MYH10: variants seen among roughly 807,000 people sequenced by gnomAD.
MYH10 encodes myosin heavy chain 10, also known as myosin-10.
MYH10 carries 55 observed loss-of-function variants against 257.8 expected under a neutral mutation model. The ratio of observed to expected loss-of-function variants is 0.21; its 90% CI spans 0.17 to 0.27. The LOEUF is 0.27. Ranked by LOEUF, MYH10 falls within the 10% of genes least tolerant of loss-of-function variation. MYH10 has a pLI of 1.00. For missense variants in MYH10, 1,631 were observed against 2,500.6 expected (o/e 0.65, Z 7.42); for synonymous variants, 854 against 921.7 (o/e 0.93, Z 1.33).
At chr17:8,629,285 C>G (rs2085800966) in intron 1 of MYH10, among the ~76,000 whole-genome samples, 1 of 152,304 alleles carries the variant, frequency 6.6e-6, no homozygotes, top group East Asian at 1.9e-4. Context: ...TCAGCGAAAA[C>G]AGCAGTCTTT....
chr17:8,492,600 C>T, intron 33 of MYH10, 91 bp from the exon 34 acceptor site: 1 of 1,354,164 alleles, frequency 7.4e-7, no homozygotes, highest in Non-Finnish European at 9.9e-7. Flanking sequence ...CGCTAGAGTG[C>T]TGCCACTAGA....
At chr17:8,495,675 C>T (rs964668651) in intron 30 of MYH10, among the ~76,000 whole-genome samples, 1 of 151,470 alleles carries the variant, frequency 6.6e-6, no homozygotes, top group Non-Finnish European at 1.5e-5. Flanking sequence ...AATTCACATT[C>T]TTATAGAACT....
chr17:8,609,533 G>GA, intron 2 of MYH10, among the ~76,000 whole-genome samples: 1 of 152,260 alleles, frequency 6.6e-6, no homozygotes, highest in African/African-American at 2.4e-5. Flanking sequence ...TTAGGAGACA[G>GA]ATTTATATCT....
intron 5 of MYH10, 111 bp downstream of exon 5, chr17:8,577,125 C>T (rs766235037): frequency 2.2e-5 from 16 of 739,358 alleles, no homozygotes; most frequent in Non-Finnish European, 3.5e-5. Context: ...CAGGTGGAGA[C>T]AAGGGAGCTG....
At chr17:8,570,835 C>T (rs2083308098) in intron 6 of MYH10, among the ~76,000 whole-genome samples, 1 of 152,170 alleles carries the variant, frequency 6.6e-6, no homozygotes, top group Non-Finnish European at 1.5e-5. Context: ...TATATGTCAT[C>T]CGTACAGTTC....
chr17:8,589,556 G>A (rs555817595), intron 3 of MYH10, among the ~76,000 whole-genome samples: 6 of 152,156 alleles, frequency 3.9e-5, no homozygotes, highest in South Asian at 2.1e-4. Context: ...TGGAAACCAC[G>A]GCCTTTCAGA....
chr17:8,540,059 G>A (rs1415880624), intron 14 of MYH10, among the ~76,000 whole-genome samples: 1 of 152,026 alleles, frequency 6.6e-6, no homozygotes, highest in Admixed American at 6.6e-5. Flanking sequence ...GTGCAATCTC[G>A]GCTCACTGCA....
intron 40 of MYH10, among the ~76,000 whole-genome samples, 176 bp from the exon 41 acceptor site, chr17:8,478,622 A>G (rs967502260): frequency 6.6e-6 from 1 of 152,222 alleles, no homozygotes; most frequent in Non-Finnish European, 1.5e-5. Flanking sequence ...TCAAAATCAG[A>G]ATTGCCTTTA....
intron 16 of MYH10, among the ~76,000 whole-genome samples, chr17:8,534,715 A>G (rs945548498): frequency 6.6e-6 from 1 of 152,256 alleles, no homozygotes; most frequent in African/African-American, 2.4e-5. Context: ...CATGGCCTGA[A>G]GCCAGGCAAA....
chr17:8,630,060 G>A (rs983402942), intron 1 of MYH10, among the ~76,000 whole-genome samples: 1 of 151,828 alleles, frequency 6.6e-6, no homozygotes, highest in African/African-American at 2.4e-5. Context: ...CTGGTGCTGC[G>A]GGGGACCGGT....
In MYH10 at chr17:8,508,651, A is replaced by G; in HGVS notation, c.3117T>C (p.Ile1039=). The G allele has an allele frequency of 6.2e-7, 1 of 1,614,030 alleles. No homozygotes were observed. Among genetic ancestry groups the G allele is most frequent in the South Asian group, 1.1e-5 (1 of 91,064 alleles). ...IKEKKLMEDR[I]AECSSQLAEE... The stretch of plus-strand genomic sequence containing the variant: ...CAGCCAGCTGAGAGGAACACTCAGC[A>G]ATGCGATCTTCCATGAGTTTCTTTT... Residue 1039 remains isoleucine, a synonymous_variant, in exon 26 of 43, where the codon ATT becomes ATC. Transcript: ENST00000360416.
chr17:8,590,871 G>A (rs1225030058), intron 3 of MYH10, among the ~76,000 whole-genome samples: 4 of 16,150 alleles, frequency 2.5e-4, no homozygotes, highest in Admixed American at 1.9e-3. Context: ...TCTCAATGTC[G>A]CCTTTTTTTT....
At position 8,492,481 on chromosome 17, in the gene MYH10, G is replaced by A; in HGVS notation, c.4487C>T (p.Ala1496Val). 1 of 1,612,176 alleles carries A rather than the reference G, an allele frequency of 6.2e-7. No homozygotes were observed. Among genetic ancestry groups the A allele is most frequent in the East Asian group, 2.2e-5 (1 of 44,878 alleles). The part of the protein sequence containing the change: ...QLLAEEKSIS[A>V]RYAEERDRAE... ...CCGGTCCCGCTCTTCGGCATAGCGAGCAGAGATGCTCTTCTCTTCTGCTAA... is the reference window on the plus strand; with the variant it reads ...CCGGTCCCGCTCTTCGGCATAGCGAACAGAGATGCTCTTCTCTTCTGCTAA... Residue 1496 changes from alanine to valine, a missense_variant, in exon 34 of 43, where the codon GCT becomes GTT. This residue lies in a region of MYH10 where 463 missense variants were observed against 621.8 expected (regional missense o/e 0.74). Transcript: ENST00000360416.
intron 34 of MYH10, among the ~76,000 whole-genome samples, chr17:8,491,142 T>A (rs564187168): frequency 7.4e-6 from 1 of 135,838 alleles, no homozygotes; most frequent in Non-Finnish European, 1.6e-5. Flanking sequence ...ACAGCAGCCT[T>A]TGGAGGGAGG....
Position 8,490,315 on chromosome 17 carries a change from G to T in MYH10, c.4884+25C>A. ...GCTTTGAGAGCCTGCACCCCTTGTT[G>T]TGGAGGCCGCACCCTCTGCCCTACC... is the stretch of plus-strand genomic sequence containing the variant. On this transcript the variant is annotated intron_variant, in intron 35 of 42. Coordinates refer to ENST00000360416, the MANE Select transcript of MYH10 (RefSeq NM_001256012.3). The surrounding 1 kb of genome is among the most constrained non-coding windows in gnomAD (Gnocchi z 4.1). 1 of 1,608,048 alleles carries T rather than the reference G, an allele frequency of 6.2e-7. No individual in the cohort carries two copies.
At chr17:8,548,906 C>G in intron 9 of MYH10, 119 bp from the exon 10 acceptor site, 2 of 735,650 alleles carry the variant, frequency 2.7e-6, no homozygotes, top group Non-Finnish European at 4.3e-6. Flanking sequence ...CAACCCATTG[C>G]CAGCAAAATG....
At chr17:8,585,591 C>T (rs2152038461) in intron 4 of MYH10, among the ~76,000 whole-genome samples, 1 of 151,834 alleles carries the variant, frequency 6.6e-6, no homozygotes, top group East Asian at 1.9e-4. Flanking sequence ...TTTTTCAGGG[C>T]ACAATGTAAC....
chr17:8,489,799 C>CA (rs1338717260), intron 35 of MYH10, among the ~76,000 whole-genome samples: 2 of 151,792 alleles, frequency 1.3e-5, no homozygotes, highest in African/African-American at 2.4e-5. Context: ...AAAATACCCA[C>CA]AATTCATTTT....
At chr17:8,612,627 C>A (rs1393699708) in intron 2 of MYH10, among the ~76,000 whole-genome samples, 1 of 152,044 alleles carries the variant, frequency 6.6e-6, no homozygotes, top group Non-Finnish European at 1.5e-5. Context: ...AAGGAGGGGG[C>A]AGATCACGAG....
Sources: gnomAD v4.1 joint callset for allele counts (sites outside exome capture counted in the v4.1 genomes callset) on GRCh38, gnomAD v4.1.1 for gene constraint, gnomAD v4.1.1 regional missense constraint, Gnocchi (gnomAD v3.1) non-coding constraint, MANE v1.5 for transcripts, NCBI Gene and HGNC (gene_info 2026-07-23, HGNC 2026-07-21) for gene names.